CCDC102B: variants seen among roughly 807,000 people sequenced by gnomAD.
CCDC102B encodes the protein coiled-coil domain-containing protein 102B.
A neutral mutation model predicts 57.4 loss-of-function variants in CCDC102B; 75 were observed. The observed-to-expected ratio is 1.31, with a 90% confidence interval of 1.08 to 1.58. CCDC102B has a LOEUF of 1.58. Among genes scored for constraint, CCDC102B ranks in the 40% most tolerant of loss-of-function variants. CCDC102B has a pLI of 0.00. For synonymous variants in CCDC102B, 206 were observed against 201.9 expected, an observed-to-expected ratio of 1.02 and a Z score of -0.17; for missense variants, 636 against 582.6, an observed-to-expected ratio of 1.09 and a Z score of -0.94.
chr18:69,052,191 C>T (rs950631049), intron 7 of CCDC102B, among the ~76,000 whole-genome samples: 5 of 151,204 alleles, frequency 3.3e-5, no homozygotes, highest in Non-Finnish European at 5.9e-5. Context: ...GAGCAAAAGG[C>T]CTGAATAAAC....
rs1423274905 is a variant in CCDC102B at position 68,897,230 on chromosome 18, G to A, written c.1065G>A (p.Leu355=). Residue 355 remains leucine, a synonymous_variant, in exon 6 of 8, where the codon TTG becomes TTA. Coordinates refer to ENST00000360242, the MANE Select transcript of CCDC102B (RefSeq NM_024781.3). ...TTTTCTGTGTGTAGCTAGAGAGATT[G>A]CAAGCTGAAAATACCTCGGAGTGGG... ...ICELRAELER[L]QAENTSEWDK... The A allele has an allele frequency of 1.9e-6, 3 of 1,611,644 alleles. No individual in the cohort carries two copies. In the African/African-American group the frequency reaches 4.0e-5, roughly 22 times the overall value.
chr18:68,911,638 G>C (rs188268828), intron 6 of CCDC102B, among the ~76,000 whole-genome samples: 41,625 of 144,708 alleles, frequency 0.29, 7,773 homozygotes, highest in African/African-American at 0.57. Flanking sequence ...TGTAGTCCCA[G>C]CTACTCGAGA....
upstream of CCDC102B, among the ~76,000 whole-genome samples, chr18:68,795,628 G>A (rs1328299578): frequency 6.6e-6 from 1 of 151,996 alleles, no homozygotes; most frequent in Admixed American, 6.6e-5. Flanking sequence ...TCTCCCCTGT[G>A]CGTTTTGTCT....
intron 1 of CCDC102B, 61 bp from the exon 2 acceptor site, chr18:68,836,688 C>T (rs2037386273): frequency 1.1e-5 from 10 of 891,756 alleles, no homozygotes; most frequent in Middle Eastern, 3.9e-4. Context: ...AAGTGTAGGT[C>T]TTGTTCCTGT....
chr18:68,864,371 T>G (rs2038887121), intron 4 of CCDC102B, among the ~76,000 whole-genome samples: 1 of 152,022 alleles, frequency 6.6e-6, no homozygotes, highest in South Asian at 2.1e-4. Context: ...CTGAGATTTT[T>G]GTGTACAGTC....
chr18:68,889,030 G>GC (rs2039982590), intron 5 of CCDC102B, among the ~76,000 whole-genome samples: 1 of 148,488 alleles, frequency 6.7e-6, no homozygotes, highest in African/African-American at 2.5e-5. Context: ...GTTTTTCTTT[G>GC]TTTTTTTTTT....
intron 1 of CCDC102B, among the ~76,000 whole-genome samples, chr18:68,811,782 G>A (rs1455758279): frequency 6.6e-6 from 1 of 152,194 alleles, no homozygotes; most frequent in Non-Finnish European, 1.5e-5. Flanking sequence ...GACAGGTGAG[G>A]ATCCTGAGGT....
At chr18:68,956,667 C>T (rs28880300) in intron 6 of CCDC102B, among the ~76,000 whole-genome samples, 16,607 of 91,966 alleles carry the variant, frequency 0.18, 3,402 homozygotes, top group African/African-American at 0.48. Flanking sequence ...CTGGATCATA[C>T]GGTAGTTGTA....
At chr18:68,782,415 C>G (rs1302966751) in intron 2 of CCDC102B, among the ~76,000 whole-genome samples, 1 of 152,038 alleles carries the variant, frequency 6.6e-6, no homozygotes, top group Non-Finnish European at 1.5e-5. Context: ...TCTTCTCTCT[C>G]AAAGGTTTTT....
At chr18:68,940,423 A>G (rs2049346381) in intron 6 of CCDC102B, among the ~76,000 whole-genome samples, 1 of 151,832 alleles carries the variant, frequency 6.6e-6, no homozygotes, top group Non-Finnish European at 1.5e-5. Flanking sequence ...TTATGCACAG[A>G]CTGTTTCTTT....
intron 1 of CCDC102B, among the ~76,000 whole-genome samples, chr18:68,808,468 C>CTTTTTTT (rs1157601164): frequency 5.6e-4 from 51 of 91,804 alleles, no homozygotes; most frequent in African/African-American, 6.4e-4. Flanking sequence ...GCTTTTACTA[C>CTTTTTTT]TTTTTTTTTT....
chr18:68,850,893 C>T lies in CCDC102B; in HGVS notation c.936+4472C>T, dbSNP rs150754567. Among the ~76,000 whole-genome samples the T allele has an allele frequency of 1.3e-4, 20 of 152,178 alleles. No individual in the cohort carries two copies. In the East Asian group the frequency reaches 3.7e-3, roughly 28 times the overall value. On this transcript the variant is annotated intron_variant, in intron 4 of 7. Transcript: ENST00000360242. ...TTTCGATTAACCTCAGTTTATACAT[C>T]ACTTCATTAAAAAAATAGTCTCTGT...
At chr18:69,027,941 C>T (rs552700760) in intron 7 of CCDC102B, among the ~76,000 whole-genome samples, 2 of 152,246 alleles carry the variant, frequency 1.3e-5, no homozygotes, top group Non-Finnish European at 2.9e-5. Flanking sequence ...GCCCTGAGCC[C>T]TTACTGTGTC....
chr18:68,941,409 C>G (rs1369921527), intron 6 of CCDC102B, among the ~76,000 whole-genome samples: 2 of 151,906 alleles, frequency 1.3e-5, no homozygotes, highest in Admixed American at 1.3e-4. Context: ...AGGGTGAAAG[C>G]TAGGTCTAAA....
intron 5 of CCDC102B, among the ~76,000 whole-genome samples, chr18:68,895,946 T>G (rs1342889278): frequency 2.0e-5 from 3 of 151,896 alleles, no homozygotes; most frequent in African/African-American, 7.2e-5. Flanking sequence ...TTTAAAAAAT[T>G]TATATTACCA....
At chr18:68,795,765 A>G (rs1347859446), upstream of CCDC102B, among the ~76,000 whole-genome samples, 1 of 152,170 alleles carries the variant, frequency 6.6e-6, no homozygotes, top group Non-Finnish European at 1.5e-5. Context: ...TCATAGGTAC[A>G]GGAAGTTAGG....
intron 6 of CCDC102B, among the ~76,000 whole-genome samples, chr18:68,947,762 A>G (rs2049582553): frequency 6.6e-6 from 1 of 152,096 alleles, no homozygotes. Context: ...AAATGTATTG[A>G]ACTATGACAG....
At chr18:69,035,166 C>T (rs58459061) in intron 7 of CCDC102B, among the ~76,000 whole-genome samples, 11,845 of 151,972 alleles carry the variant, frequency 0.078, 1,548 homozygotes, top group African/African-American at 0.27. Flanking sequence ...ATTAGAAACA[C>T]TATTGTTTAT....
chr18:69,001,046 C>T (rs1032400769), intron 6 of CCDC102B, among the ~76,000 whole-genome samples: 6 of 152,134 alleles, frequency 3.9e-5, no homozygotes, highest in African/African-American at 9.7e-5. Flanking sequence ...CACCCACACA[C>T]TCAAATGCAC....
Sources: gnomAD v4.1 joint callset for allele counts (sites outside exome capture counted in the v4.1 genomes callset) on GRCh38, gnomAD v4.1.1 for gene constraint, MANE v1.5 for transcripts, NCBI Gene and HGNC (gene_info 2026-07-23, HGNC 2026-07-21) for gene names.